CDC14A: variants seen among roughly 807,000 people sequenced by gnomAD.
The protein encoded by CDC14A is dual specificity protein phosphatase CDC14A.
CDC14A carries 53 observed loss-of-function variants against 74.4 expected under a neutral mutation model. The observed-to-expected ratio is 0.71, with a 90% CI of 0.57 to 0.89. The LOEUF (loss-of-function observed/expected upper bound fraction) is 0.89. Ranked by LOEUF, CDC14A falls within the 40% of genes least tolerant of loss-of-function variation. CDC14A has a pLI of 0.00. For missense variants in CDC14A, 646 were observed against 713.7 expected (o/e 0.91, Z 1.08); for synonymous variants, 247 against 258.4 (o/e 0.96, Z 0.43).
intron 5 of CDC14A, 127 bp from the exon 6 acceptor site, chr1:100,439,805 T>G (rs930726544): frequency 1.5e-6 from 1 of 662,832 alleles, no homozygotes; most frequent in Non-Finnish European, 2.7e-6. Context: ...TAATGTATTA[T>G]ATAAGTTTAC....
chr1:100,432,739 GTTTAT>G (rs1557754441), intron 5 of CDC14A, among the ~76,000 whole-genome samples: 1 of 152,058 alleles, frequency 6.6e-6, no homozygotes, highest in Non-Finnish European at 1.5e-5. Context: ...TTTCTTGTTA[GTTTAT>G]TTTAATATGG....
At chr1:100,391,712 C>T (rs112922668) in intron 4 of CDC14A, among the ~76,000 whole-genome samples, 76 of 152,298 alleles carry the variant, frequency 5.0e-4, no homozygotes, top group African/African-American at 1.3e-3. Context: ...AGCTACTAGA[C>T]CTCAAACTCT....
chr1:100,460,613 A>T (rs1667224978), intron 8 of CDC14A, among the ~76,000 whole-genome samples: 1 of 152,216 alleles, frequency 6.6e-6, no homozygotes, highest in Non-Finnish European at 1.5e-5. Context: ...TTAGGCTATA[A>T]ATCTGTTGCA....
intron 4 of CDC14A, among the ~76,000 whole-genome samples, chr1:100,403,350 T>C (rs989883508): frequency 6.6e-5 from 10 of 152,258 alleles, no homozygotes; most frequent in Non-Finnish European, 1.2e-4. Flanking sequence ...TGCTCACTAA[T>C]GGGTTGTAAC....
At chr1:100,421,996 T>G (rs1256555256) in intron 4 of CDC14A, among the ~76,000 whole-genome samples, 1 of 152,178 alleles carries the variant, frequency 6.6e-6, no homozygotes, top group African/African-American at 2.4e-5. Flanking sequence ...AGGAGAACAT[T>G]TCCCCACTTT....
intron 4 of CDC14A, among the ~76,000 whole-genome samples, chr1:100,403,107 G>A (rs370019313): frequency 2.0e-5 from 3 of 151,960 alleles, no homozygotes; most frequent in South Asian, 4.1e-4. Flanking sequence ...ATATAAAGTA[G>A]GTTGGGCTGG....
chr1:100,439,992 C>T lies in CDC14A; in HGVS notation c.450C>T (p.Ile150=). ...CCATTCTCGACTGTTTGCAGGGAAT[C>T]AGAAAGGTAATAACAATTCTCCTTG... ...NLTILDCLQG[I]RKGLQHGFFD... The change falls in exon 6 of 16, where the codon ATC becomes ATT. Residue 150 remains isoleucine, a synonymous_variant. Transcript: ENST00000336454. 1 of 1,610,968 alleles carries T rather than the reference C, an allele frequency of 6.2e-7. No homozygotes were observed. The highest frequency in any genetic ancestry group is 1.3e-5 in the African/African-American group (1 of 74,926).
At chr1:100,488,251 A>G (rs955169618) in intron 11 of CDC14A, among the ~76,000 whole-genome samples, 9 of 152,338 alleles carry the variant, frequency 5.9e-5, no homozygotes, top group Admixed American at 2.0e-4. Flanking sequence ...GGCACTTGAC[A>G]TTAATGAACT....
intron 11 of CDC14A, chr1:100,484,914 T>C: frequency 1.0e-6 from 1 of 973,458 alleles, no homozygotes; most frequent in Non-Finnish European, 1.2e-6. Context: ...CAAACCACGG[T>C]AAATAGTTGA....
intron 4 of CDC14A, among the ~76,000 whole-genome samples, chr1:100,416,525 CT>C (rs927117752): frequency 6.6e-6 from 1 of 152,112 alleles, no homozygotes; most frequent in Non-Finnish European, 1.5e-5. Context: ...CATCTGTACT[CT>C]ATAATCAGAG....
At chr1:100,387,441 A>C (rs1657036494) in intron 3 of CDC14A, among the ~76,000 whole-genome samples, 1 of 152,212 alleles carries the variant, frequency 6.6e-6, no homozygotes. Context: ...AACTTAACCG[A>C]GGAAACTGAA....
intron 7 of CDC14A, among the ~76,000 whole-genome samples, chr1:100,452,261 C>T (rs1666217611): frequency 6.6e-6 from 1 of 152,126 alleles, no homozygotes; most frequent in African/African-American, 2.4e-5. Flanking sequence ...CCTGTAATCC[C>T]AGCACTTTGG....
At chr1:100,487,673 A>G (rs1202138247) in intron 11 of CDC14A, among the ~76,000 whole-genome samples, 1 of 152,238 alleles carries the variant, frequency 6.6e-6, no homozygotes, top group Non-Finnish European at 1.5e-5. Flanking sequence ...GGTCATAGTG[A>G]TGGACTAAGT....
At chr1:100,453,432 A>T (rs1244437133) in intron 7 of CDC14A, among the ~76,000 whole-genome samples, 2 of 152,140 alleles carry the variant, frequency 1.3e-5, no homozygotes, top group Admixed American at 1.3e-4. Context: ...TTATTCTTGG[A>T]TTTTCAAATA....
chr1:100,439,702 C>A (rs190043033), intron 5 of CDC14A, among the ~76,000 whole-genome samples: 14 of 152,248 alleles, frequency 9.2e-5, no homozygotes, highest in Non-Finnish European at 1.5e-5. Flanking sequence ...CTAAGGCAGT[C>A]GGACTCAGGA....
intron 15 of CDC14A, among the ~76,000 whole-genome samples, chr1:100,509,255 C>G (rs536808863): frequency 6.6e-6 from 1 of 152,174 alleles, no homozygotes; most frequent in Admixed American, 6.6e-5. Flanking sequence ...CTTAATCTCA[C>G]CAGACCATAG....
chr1:100,352,763 C>G lies in CDC14A; in HGVS notation c.-192C>G. The stretch of plus-strand genomic sequence containing the variant: ...GCGCGGAGCGAGCTCGGGTTCCCCT[C>G]GGAATGTCCCCGGGGCGCCCGGCGC... On this transcript the variant is annotated 5_prime_UTR_variant, in exon 1 of 16. Transcript: ENST00000336454. 2 of 1,412,848 alleles carry G rather than the reference C, an allele frequency of 1.4e-6. No homozygotes were observed. The highest frequency in any genetic ancestry group is 9.2e-7 in the Non-Finnish European group (1 of 1,089,652). 87.5% of individuals were successfully genotyped at this position (1,412,848 alleles called of 1,614,324 possible). A position where few individuals can be genotyped will look rare whatever the true frequency, so the allele number is the denominator to read the frequency against.
chr1:100,352,142 C>T (rs1482473252), upstream of CDC14A, among the ~76,000 whole-genome samples: 3 of 152,194 alleles, frequency 2.0e-5, no homozygotes, highest in African/African-American at 7.2e-5. Context: ...GGCGCCAGCA[C>T]ATCCTAGCCT....
chr1:100,468,152 T>C, intron 10 of CDC14A, 58 bp downstream of exon 10: 1 of 1,594,604 alleles, frequency 6.3e-7, no homozygotes, highest in Non-Finnish European at 8.6e-7. Context: ...TTCTACCTCT[T>C]GTTCCCCTGG....
Sources: gnomAD v4.1 joint callset for allele counts (sites outside exome capture counted in the v4.1 genomes callset) on GRCh38, gnomAD v4.1.1 for gene constraint, MANE v1.5 for transcripts, NCBI Gene and HGNC (gene_info 2026-07-23, HGNC 2026-07-21) for gene names.